EPM2A: variants seen among roughly 807,000 people sequenced by gnomAD.
EPM2A encodes the protein EPM2A glucan phosphatase, laforin.
Under a neutral mutation model 26.5 loss-of-function variants are expected in EPM2A, and 21 were observed. That is an observed-to-expected ratio of 0.79 (90% CI 0.56 to 1.14). EPM2A has a LOEUF of 1.14. EPM2A is among the 50% of genes most tolerant of loss of function. The pLI is 0.00. For missense variants in EPM2A, 458 were observed against 440.8 expected, an observed-to-expected ratio of 1.04 and a Z score of -0.35; for synonymous variants, 217 against 177.6, an observed-to-expected ratio of 1.22 and a Z score of -1.76.
intron 4 of EPM2A, among the ~76,000 whole-genome samples, chr6:145,455,438 A>C (rs1310426807): frequency 6.6e-6 from 1 of 152,058 alleles, no homozygotes; most frequent in Non-Finnish European, 1.5e-5. Context: ...CCTCACTGCA[A>C]TCTCCGCCTC....
At chr6:145,732,974 A>G (rs781672888) in intron 1 of EPM2A, among the ~76,000 whole-genome samples, 1 of 152,200 alleles carries the variant, frequency 6.6e-6, no homozygotes, top group African/African-American at 2.4e-5. Context: ...AGCCCAGGCA[A>G]TCTGGCTCCA....
chr6:145,658,720 T>C (rs1316547141), intron 2 of EPM2A, among the ~76,000 whole-genome samples: 2 of 152,188 alleles, frequency 1.3e-5, no homozygotes, highest in Non-Finnish European at 2.9e-5. Context: ...TAAGTTAAAG[T>C]AGTGAAAAGA....
chr6:145,412,270 A>G (rs1289006695), intron 4 of EPM2A, among the ~76,000 whole-genome samples: 3 of 152,016 alleles, frequency 2.0e-5, no homozygotes, highest in Admixed American at 6.6e-5. Flanking sequence ...ATACATACAC[A>G]TTTAGATTAC....
At chr6:145,707,513 T>A (rs1161081104) in intron 1 of EPM2A, among the ~76,000 whole-genome samples, 1 of 152,030 alleles carries the variant, frequency 6.6e-6, no homozygotes, top group Non-Finnish European at 1.5e-5. Flanking sequence ...TGGTGGGAGG[T>A]AATTGAATCA....
intron 4 of EPM2A, among the ~76,000 whole-genome samples, chr6:145,492,508 C>A (rs2114742860): frequency 6.6e-6 from 1 of 152,150 alleles, no homozygotes; most frequent in South Asian, 2.1e-4. Flanking sequence ...GGCAGAGGGT[C>A]ATTGTGACCG....
At chr6:145,618,061 GT>G (rs1436060645) in intron 2 of EPM2A, among the ~76,000 whole-genome samples, 67 of 152,198 alleles carry the variant, frequency 4.4e-4, no homozygotes, top group Admixed American at 4.4e-3. Context: ...GCCAAGCACT[GT>G]TTACAGTTTC....
chr6:145,664,178 T>C lies in EPM2A; in HGVS notation c.476+21944A>G, dbSNP rs1430939978. ...CACACACAACAATATTAACTTTAAA[T>C]GTAAATGGACTAAATTCTCCAATTA... On this transcript the variant is annotated intron_variant, in intron 2 of 3. Coordinates refer to ENST00000367519, the MANE Select transcript of EPM2A (RefSeq NM_005670.4). 2.2e-4 allele frequency among the ~76,000 whole-genome samples: 19 copies of C among 85,744 alleles called. 5 individuals carry two copies. The highest frequency in any genetic ancestry group is 9.9e-4 in the African/African-American group (19 of 19,224). 56.3% of individuals were successfully genotyped at this position (85,744 alleles called of 152,430 possible). A position where few individuals can be genotyped will look rare whatever the true frequency, so the allele number is the denominator to read the frequency against.
intron 4 of EPM2A, among the ~76,000 whole-genome samples, chr6:145,487,442 A>G (rs1428662400): frequency 1.3e-5 from 2 of 152,178 alleles, no homozygotes; most frequent in Non-Finnish European, 2.9e-5. Context: ...TGGTTGAACT[A>G]ACTTACACTC....
At chr6:145,496,728 A>ATGTTTTTTTGTTTTTT (rs779194973), downstream of EPM2A, among the ~76,000 whole-genome samples, 8 of 106,898 alleles carry the variant, frequency 7.5e-5, no homozygotes, top group Admixed American at 1.9e-4. Context: ...AGTTCCTGCA[A>ATGTTTTTTTGTTTTTT]TTTTTTTTTT....
At chr6:145,469,493 A>C (rs1465422879) in intron 4 of EPM2A, among the ~76,000 whole-genome samples, 1 of 152,166 alleles carries the variant, frequency 6.6e-6, no homozygotes, top group Non-Finnish European at 1.5e-5. Flanking sequence ...ACTCCAGTTA[A>C]AATGGCTTAT....
At chr6:145,512,368 C>A (rs946963040) in intron 2 of EPM2A, among the ~76,000 whole-genome samples, 3 of 152,068 alleles carry the variant, frequency 2.0e-5, no homozygotes, top group Non-Finnish European at 4.4e-5. Flanking sequence ...GCTACAGCAA[C>A]TAAAATACCA....
chr6:145,563,104 T>A (rs1319048840), intron 2 of EPM2A, among the ~76,000 whole-genome samples: 1 of 151,596 alleles, frequency 6.6e-6, no homozygotes, highest in African/African-American at 2.4e-5. Flanking sequence ...AAGAAGGATG[T>A]GGCTTGATTT....
intron 2 of EPM2A, among the ~76,000 whole-genome samples, chr6:145,680,336 T>A (rs979831840): frequency 1.0e-5 from 1 of 99,314 alleles, no homozygotes; most frequent in African/African-American, 3.3e-5. Context: ...TGGGTGCTAA[T>A]TTCTTTTTTT....
Position 145,734,370 on chromosome 6 carries a change from T to C in EPM2A, c.301+828A>G, listed in dbSNP as rs1329269716. On this transcript the variant is annotated intron_variant, in intron 1 of 3. Transcript: ENST00000367519. ...AATTTTTGTAAAAAAAAAAAGTATA[T>C]GCATATATCACATACATAAATGTGT... 2.0e-5 allele frequency among the ~76,000 whole-genome samples: 3 copies of C among 152,092 alleles called. No individual in the cohort carries two copies. In the East Asian group the frequency reaches 5.8e-4, roughly 29 times the overall value.
chr6:145,443,948 C>T (rs1256367020), intron 4 of EPM2A, among the ~76,000 whole-genome samples: 1 of 152,154 alleles, frequency 6.6e-6, no homozygotes. Context: ...TGTGAGGCCT[C>T]CCCAGCCATG....
At chr6:145,679,694 T>C (rs1037464004) in intron 2 of EPM2A, among the ~76,000 whole-genome samples, 2 of 152,100 alleles carry the variant, frequency 1.3e-5, no homozygotes, top group South Asian at 2.1e-4. Context: ...TTTCACACTA[T>C]TGGAAATGCA....
chr6:145,589,485 G>T (rs1473093897), intron 2 of EPM2A, among the ~76,000 whole-genome samples: 1 of 152,090 alleles, frequency 6.6e-6, no homozygotes, highest in African/African-American at 2.4e-5. Flanking sequence ...TGAAGACATG[G>T]TGTGCAGTGT....
chr6:145,596,561 C>T (rs1781345542), intron 2 of EPM2A, among the ~76,000 whole-genome samples: 1 of 151,918 alleles, frequency 6.6e-6, no homozygotes, highest in Non-Finnish European at 1.5e-5. Context: ...ATTTAATTCC[C>T]CTTCTTTTGG....
chr6:145,396,889 C>T (rs1778412380), intron 4 of EPM2A, among the ~76,000 whole-genome samples: 1 of 152,160 alleles, frequency 6.6e-6, no homozygotes, highest in Non-Finnish European at 1.5e-5. Flanking sequence ...CTTTGAACAT[C>T]ACAGATAGGG....
Sources: gnomAD v4.1 joint callset for allele counts (sites outside exome capture counted in the v4.1 genomes callset) on GRCh38, gnomAD v4.1.1 for gene constraint, MANE v1.5 for transcripts, NCBI Gene and HGNC (gene_info 2026-07-23, HGNC 2026-07-21) for gene names.